Variants in WDR81 observed in about 807,000 individuals in gnomAD.
WDR81 encodes WD repeat domain 81, also known as WD repeat-containing protein 81.
WDR81 carries 92 observed loss-of-function variants against 140.8 expected under a neutral mutation model. The ratio of observed to expected loss-of-function variants is 0.65; its 90% CI spans 0.55 to 0.78. The LOEUF (loss-of-function observed/expected upper bound fraction) is 0.78, where lower values mean the gene tolerates loss of function less well. Among genes scored for constraint, WDR81 ranks in the 30% least tolerant of loss-of-function variants. The pLI is 0.00. For synonymous variants in WDR81, 1,183 were observed against 1,156.4 expected, an observed-to-expected ratio of 1.02 and a Z score of -0.47; for missense variants, 2,502 against 2,636.4, an observed-to-expected ratio of 0.95 and a Z score of 1.12.
In WDR81 at chr17:1,737,676, C is replaced by T. The variant is rs938843194; in HGVS notation, c.5817C>T (p.Leu1939=). 4.7e-5 allele frequency: 75 copies of T among 1,608,998 alleles called. No individual in the cohort carries two copies. Among genetic ancestry groups the T allele is most frequent in the Non-Finnish European group, 6.2e-5 (73 of 1,178,738 alleles). ...LLGSDNGVIR[L]LA ...GCTCAGACAACGGGGTTATCCGCCTCCTGGCATAGACTGAGGCAGGAGCTG... is the reference window on the plus strand; with the variant it reads ...GCTCAGACAACGGGGTTATCCGCCTTCTGGCATAGACTGAGGCAGGAGCTG... The change falls in exon 10 of 10, where the codon CTC becomes CTT. Residue 1939 remains leucine, a synonymous_variant. Coordinates refer to ENST00000409644, the MANE Select transcript of WDR81 (RefSeq NM_001163809.2).
At chr17:1,736,569 T>C (rs966632222) in intron 9 of WDR81, among the ~76,000 whole-genome samples, 2 of 152,142 alleles carry the variant, frequency 1.3e-5, no homozygotes, top group Non-Finnish European at 2.9e-5. Context: ...CGTGACCTAG[T>C]TCAGGTTAAA....
At chr17:1,736,008 G>T (rs540264261) in intron 8 of WDR81, 31 bp from the exon 9 acceptor site, 14 of 1,562,608 alleles carry the variant, frequency 9.0e-6, no homozygotes, top group Non-Finnish European at 1.2e-5. Flanking sequence ...TGGGAAGGTG[G>T]TGCCTCAGCT....
Position 1,732,682 on chromosome 17 carries a change from C to T in WDR81, c.4340C>T (p.Pro1447Leu), listed in dbSNP as rs754811819. The T allele has an allele frequency of 6.2e-6, 10 of 1,607,892 alleles. No homozygotes were observed. Among genetic ancestry groups the T allele is most frequent in the Middle Eastern group, 1.7e-4 (1 of 5,910 alleles). The change falls in exon 6 of 10, where the codon CCT (proline) becomes CTT (leucine). Residue 1447 changes from proline to leucine, a missense_variant. Physicochemically the swap from Pro to Leu is moderately conservative, Grantham distance 98. This residue lies in a region of WDR81 where 1,737 missense variants were observed against 1,843.0 expected (regional missense o/e 0.94). Transcript: ENST00000409644. The stretch of plus-strand genomic sequence containing the variant: ...TGCTCATAGGATCTGAAGCTGGACC[C>T]TGCGGGCCGTGGTGAGGGCCAGCTG... ...ELRQQDLKLD[P>L]AGRGEGQLPQ...
At position 1,735,811 on chromosome 17, in the gene WDR81, TTC is replaced by T; in HGVS notation, c.5325+96_5325+97del. ...CCAAAAACAGAAAGCCAGGATGTTGTTCTGGGGCCCTAGTTAGTTTCTCTTTG... is the reference window on the plus strand; with the variant it reads ...CCAAAAACAGAAAGCCAGGATGTTGTTGGGGCCCTAGTTAGTTTCTCTTTG... On this transcript the variant is annotated intron_variant, in intron 8 of 9. Transcript: ENST00000409644. The surrounding 1 kb of genome is among the most constrained non-coding windows in gnomAD (Gnocchi z 4.2). The T allele has an allele frequency of 6.7e-7, 1 of 1,493,882 alleles. No homozygotes were observed. Among genetic ancestry groups the T allele is most frequent in the Non-Finnish European group, 9.0e-7 (1 of 1,113,686 alleles). 92.5% of individuals were successfully genotyped at this position (1,493,882 alleles called of 1,614,324 possible). A position where few individuals can be genotyped will look rare whatever the true frequency, so the allele number is the denominator to read the frequency against.
At position 1,733,643 on chromosome 17, in the gene WDR81, C is replaced by G. The variant is rs966101681; in HGVS notation, c.4606C>G (p.Pro1536Ala). Reference sequence around the variant, plus strand: ...CCCTGCCAGCGTGGAGCCCACCATGCCCGGCACCGGGCCCGAGTGGGACCC... The same window carrying G: ...CCCTGCCAGCGTGGAGCCCACCATGGCCGGCACCGGGCCCGAGTGGGACCC... ...RNPASVEPTM[P>A]GTGPEWDPHG... Residue 1536 changes from proline (P) to alanine (A), a missense_variant, in exon 7 of 10, where the codon CCC becomes GCC. Pro to Ala is a conservative substitution (Grantham distance 27, BLOSUM62 -1). Transcript: ENST00000409644. 7.5e-6 allele frequency: 12 copies of G among 1,604,246 alleles called. No individual in the cohort carries two copies. Among genetic ancestry groups the G allele is most frequent in the African/African-American group, 1.3e-5 (1 of 74,774 alleles).
At position 1,728,407 on chromosome 17, in the gene WDR81, G is replaced by A. The variant is rs966029397; in HGVS notation, c.3448G>A (p.Glu1150Lys). The part of the protein sequence containing the change: ...GDSSQDLKQS[E>K]GSEEEEEEED... ...CAGCAGCCAGGACTTGAAGCAAAGC[G>A]AGGGCTCCGAGGAGGAAGAGGAGGA... Residue 1150 changes from glutamate to lysine, a missense_variant, in exon 1 of 10, where the codon GAG (glutamate) becomes AAG (lysine). Glu to Lys is a moderately conservative substitution (Grantham distance 56, BLOSUM62 1). Around this residue, in one of 3 missense-constraint regions of WDR81, gnomAD observed 1,737 missense variants for 1,843.0 expected, o/e 0.94. Transcript: ENST00000409644. 14 of 1,612,564 alleles carry A rather than the reference G, an allele frequency of 8.7e-6. No individual in the cohort carries two copies. Among genetic ancestry groups the A allele is most frequent in the East Asian group, 2.2e-5 (1 of 44,882 alleles).
At chr17:1,718,338 G>A (rs1326687214) in intron 1 of WDR81, among the ~76,000 whole-genome samples, 2 of 152,098 alleles carry the variant, frequency 1.3e-5, no homozygotes, top group Non-Finnish European at 2.9e-5. Context: ...GGCTGGTCTC[G>A]AACTCCTCAC....
Position 1,735,789 on chromosome 17 carries a change from A to T in WDR81, c.5325+72A>T. 2.6e-6 allele frequency: 4 copies of T among 1,530,700 alleles called. No homozygotes were observed. Among genetic ancestry groups the T allele is most frequent in the Non-Finnish European group, 3.5e-6 (4 of 1,138,276 alleles). The allele number at this position is 1,530,700 out of a possible 1,614,324, so 94.8% of individuals were successfully genotyped here. A position where few individuals can be genotyped will look rare whatever the true frequency, so the allele number is the denominator to read the frequency against. ...CCTGGCAAGGAGGAGAGACTCCCCA[A>T]AAACAGAAAGCCAGGATGTTGTTCT... On this transcript the variant is annotated intron_variant, in intron 8 of 9. Coordinates refer to ENST00000409644, the MANE Select transcript of WDR81 (RefSeq NM_001163809.2). This position sits in a 1 kb window ranked among gnomAD's most constrained non-coding sequence, Gnocchi z 4.2.
Position 1,737,705 on chromosome 17 carries a change from G to A in WDR81, c.*20G>A, listed in dbSNP as rs748224837. ...GCATAGACTGAGGCAGGAGCTGGCC[G>A]GGCAAGGGTGGGAAGACATCTGCGG... On this transcript the variant is annotated 3_prime_UTR_variant, in exon 10 of 10. Transcript: ENST00000409644. The A allele has an allele frequency of 9.8e-5, 156 of 1,586,778 alleles. No homozygotes were observed. Among genetic ancestry groups the A allele is most frequent in the Admixed American group, 1.5e-4 (9 of 58,836 alleles).
Position 1,737,469 on chromosome 17 carries a change from C to T in WDR81, c.5610C>T (p.Asp1870=). ...CCCATCACTACAAGTCAGCATCCGA[C>T]CCCATCCACACCTTTGACCTGTACG... ...KPTHHYKSAS[D]PIHTFDLYGS... is the part of the protein sequence containing the mutation. Residue 1870 remains aspartate (D), a synonymous_variant, in exon 10 of 10, where the codon GAC becomes GAT. Coordinates refer to ENST00000409644, the MANE Select transcript of WDR81 (RefSeq NM_001163809.2). 6.2e-7 allele frequency: 1 copy of T among 1,613,254 alleles called. No homozygotes were observed. Among genetic ancestry groups the T allele is most frequent in the Non-Finnish European group, 8.5e-7 (1 of 1,179,994 alleles).
chr17:1,735,716 A>G lies in WDR81; in HGVS notation c.5324A>G (p.Gln1775Arg). 1 of 1,610,440 alleles carries G rather than the reference A, an allele frequency of 6.2e-7. No homozygotes were observed. Among genetic ancestry groups the G allele is most frequent in the Non-Finnish European group, 8.5e-7 (1 of 1,178,596 alleles). The change falls in exon 8 of 10, where the codon CAG becomes CGG. Residue 1775 changes from glutamine (Q) to arginine (R), a missense_variant and splice_region_variant. Gln to Arg is a conservative substitution (Grantham distance 43). Transcript: ENST00000409644. This position sits in a 1 kb window ranked among gnomAD's most constrained non-coding sequence, Gnocchi z 4.2. ...GTGGACTGCAGGAAGCCTGGTCTGCAGGTCAGGGGGGTCCAGTTCCCTGAG... is the reference window on the plus strand; with the variant it reads ...GTGGACTGCAGGAAGCCTGGTCTGCGGGTCAGGGGGGTCCAGTTCCCTGAG... ...RFVDCRKPGLQHEFRLGGGLN... is the reference protein window; with the variant it reads ...RFVDCRKPGLRHEFRLGGGLN...
rs770369142 is a variant in WDR81 at position 1,726,275 on chromosome 17, A to G, written c.1316A>G (p.His439Arg). The G allele has an allele frequency of 6.5e-7, 1 of 1,539,128 alleles. No homozygotes were observed. Among genetic ancestry groups the G allele is most frequent in the Admixed American group, 2.0e-5 (1 of 50,448 alleles). The change falls in exon 1 of 10, where the codon CAC becomes CGC. Residue 439 changes from histidine (H) to arginine (R), a missense_variant. Coordinates refer to ENST00000409644, the MANE Select transcript of WDR81 (RefSeq NM_001163809.2). The part of the protein sequence containing the change: ...AGGGEPPHVP[H>R]HISDVLSDIT... Reference sequence around the variant, plus strand: ...GGCGGGGAACCCCCTCATGTTCCCCACCACATCTCAGACGTGCTCTCCGAC... The same window carrying G: ...GGCGGGGAACCCCCTCATGTTCCCCGCCACATCTCAGACGTGCTCTCCGAC...
upstream of WDR81, among the ~76,000 whole-genome samples, chr17:1,724,341 G>A (rs893484517): frequency 6.6e-6 from 1 of 152,204 alleles, no homozygotes; most frequent in African/African-American, 2.4e-5. Flanking sequence ...TCCAGCCTGG[G>A]CGACAGAGCA....
At chr17:1,734,314 T>C (rs1904663441) in intron 7 of WDR81, 98 bp downstream of exon 7, 15 of 1,393,406 alleles carry the variant, frequency 1.1e-5, no homozygotes, top group Admixed American at 2.9e-5. Flanking sequence ...TGCTGCGGAG[T>C]TTGGGGAGAC....
intron 1 of WDR81, among the ~76,000 whole-genome samples, chr17:1,719,055 C>G (rs1914730487): frequency 6.6e-6 from 1 of 151,934 alleles, no homozygotes; most frequent in African/African-American, 2.4e-5. Context: ...CCAAAAGTAT[C>G]TCCAGACGTT....
intron 6 of WDR81, 89 bp downstream of exon 6, chr17:1,732,920 C>G: frequency 6.7e-7 from 1 of 1,494,328 alleles, no homozygotes; most frequent in Non-Finnish European, 9.0e-7. Flanking sequence ...CCAGAGTCAG[C>G]AGTGGGTTCT....
At position 1,728,510 on chromosome 17, in the gene WDR81, C is replaced by G; in HGVS notation, c.3551C>G (p.Ser1184Cys). The change falls in exon 1 of 10, where the codon TCT (serine) becomes TGT (cysteine). Residue 1184 changes from serine (S) to cysteine (C), a missense_variant. Ser to Cys is a moderately radical substitution (Grantham distance 112). Around this residue, in one of 3 missense-constraint regions of WDR81, gnomAD observed 1,737 missense variants for 1,843.0 expected, o/e 0.94. Transcript: ENST00000409644. ...EVTGASELTL[S>C]DTVLSMETVV... The stretch of plus-strand genomic sequence containing the variant: ...ACCGGGGCATCTGAGCTCACTCTGT[C>G]TGACACGGTGCTGTCCATGGAGACG... 1 of 1,584,478 alleles carries G rather than the reference C, an allele frequency of 6.3e-7. No homozygotes were observed. The highest frequency in any genetic ancestry group is 8.6e-7 in the Non-Finnish European group (1 of 1,164,186).
rs762363492 is a variant in WDR81, at chr17:1,735,744, C to A, written c.5325+27C>A. The A allele has an allele frequency of 1.3e-6, 2 of 1,588,840 alleles. No homozygotes were observed. The highest frequency in any genetic ancestry group is 1.7e-6 in the Non-Finnish European group (2 of 1,166,432). On this transcript the variant is annotated intron_variant, in intron 8 of 9. Transcript: ENST00000409644. This position sits in a 1 kb window ranked among gnomAD's most constrained non-coding sequence, Gnocchi z 4.2. ...TCAGGGGGGTCCAGTTCCCTGAGCA[C>A]TCGCCTGGTTCTCTGGGGACCTGGC...
intron 9 of WDR81, among the ~76,000 whole-genome samples, chr17:1,736,704 C>T (rs1904898032): frequency 6.6e-6 from 1 of 152,156 alleles, no homozygotes; most frequent in African/African-American, 2.4e-5. Flanking sequence ...CCGTCTCCTT[C>T]CCCTCCCCCT....
Sources: allele counts gnomAD v4.1 joint callset (sites outside exome capture counted in the v4.1 genomes callset), GRCh38; gene constraint gnomAD v4.1.1; regional missense constraint gnomAD v4.1.1; non-coding constraint Gnocchi (gnomAD v3.1); transcripts MANE v1.5; gene names NCBI Gene and HGNC (gene_info 2026-07-23, HGNC 2026-07-21).